Variants in ADAMTS3 observed in about 807,000 individuals in gnomAD.
The protein encoded by ADAMTS3 is ADAM metallopeptidase with thrombospondin type 1 motif 3, also known as A disintegrin and metalloproteinase with thrombospondin motifs 3.
Under a neutral mutation model 129.0 loss-of-function variants are expected in ADAMTS3, and 73 were observed. The ratio of observed to expected loss-of-function variants is 0.57; its 90% confidence interval spans 0.47 to 0.69. The LOEUF (loss-of-function observed/expected upper bound fraction) is 0.69, where lower values mean the gene tolerates loss of function less well. ADAMTS3 is among the 30% of genes least tolerant of loss of function. The pLI, the probability that ADAMTS3 is intolerant of heterozygous loss-of-function variation, is 0.00. For missense variants in ADAMTS3, 1,457 were observed against 1,514.5 expected, an observed-to-expected ratio of 0.96 and a Z score of 0.63; for synonymous variants, 477 against 510.8, an observed-to-expected ratio of 0.93 and a Z score of 0.89.
chr4:72,452,096 TAAC>T (rs1041548324), intron 3 of ADAMTS3, among the ~76,000 whole-genome samples: 24 of 151,678 alleles, frequency 1.6e-4, no homozygotes, highest in Admixed American at 1.4e-3. Context: ...TTTCAAACAA[TAAC>T]AACAACAACA....
At chr4:72,510,178 G>A (rs1015940744) in intron 3 of ADAMTS3, among the ~76,000 whole-genome samples, 6 of 151,872 alleles carry the variant, frequency 4.0e-5, no homozygotes, top group Non-Finnish European at 8.8e-5. Flanking sequence ...ATTAAATGAG[G>A]AAAAACTGAA....
At chr4:72,549,993 AGGAAGAGG>A (rs374962388) in intron 2 of ADAMTS3, among the ~76,000 whole-genome samples, 2 of 8,246 alleles carry the variant, frequency 2.4e-4, no homozygotes, top group African/African-American at 6.5e-4. Flanking sequence ...GAAGAAGAAG[AGGAAGAGG>A]AAGAAGAAGA....
At chr4:72,452,770 C>A (rs1718440590) in intron 3 of ADAMTS3, among the ~76,000 whole-genome samples, 1 of 151,770 alleles carries the variant, frequency 6.6e-6, no homozygotes, top group East Asian at 2.0e-4. Context: ...TGGTACCTGC[C>A]CACCACTTCC....
At chr4:72,368,132 TTAAG>T (rs1417105674) in intron 4 of ADAMTS3, among the ~76,000 whole-genome samples, 1 of 152,216 alleles carries the variant, frequency 6.6e-6, no homozygotes, top group African/African-American at 2.4e-5. Context: ...ACACATATTA[TTAAG>T]TAATACAACT....
intron 3 of ADAMTS3, among the ~76,000 whole-genome samples, chr4:72,492,947 T>C (rs1719784780): frequency 6.6e-6 from 1 of 151,936 alleles, no homozygotes; most frequent in African/African-American, 2.4e-5. Context: ...TAACTTACTG[T>C]TGAATTAACT....
At chr4:72,371,016 A>G (rs1720991350) in intron 4 of ADAMTS3, among the ~76,000 whole-genome samples, 1 of 152,194 alleles carries the variant, frequency 6.6e-6, no homozygotes, top group Admixed American at 6.5e-5. Flanking sequence ...ATAGACACAT[A>G]GAGAGAACAT....
chr4:72,495,535 G>T (rs1719853115), intron 3 of ADAMTS3, among the ~76,000 whole-genome samples: 1 of 151,510 alleles, frequency 6.6e-6, no homozygotes, highest in African/African-American at 2.4e-5. Context: ...TTTTTACAAA[G>T]AAAAAAAGAG....
At chr4:72,499,284 C>T (rs76109952) in intron 3 of ADAMTS3, among the ~76,000 whole-genome samples, 6 of 152,024 alleles carry the variant, frequency 3.9e-5, no homozygotes, top group Admixed American at 2.0e-4. Flanking sequence ...CAAAAGTAAG[C>T]GCAAGCTTTA....
At position 72,309,463 on chromosome 4, in the gene ADAMTS3, A is replaced by G; in HGVS notation, c.2113T>C (p.Cys705Arg). The part of the protein sequence containing the change: ...SNKVEDKCGV[C>R]GGDNSHCRTV... ...CGGCAGTGGGAATTATCTCCTCCAC[A>G]GACACCACACTTATCCTCAACCTTA... is the stretch of plus-strand genomic sequence containing the variant. Residue 705 changes from cysteine (C) to arginine (R), a missense_variant, in exon 15 of 22, where the codon TGT becomes CGT. By Grantham distance (180) the Cys-to-Arg change is radical. Coordinates refer to ENST00000286657, the MANE Select transcript of ADAMTS3 (RefSeq NM_014243.3). 1.2e-6 allele frequency: 2 copies of G among 1,612,232 alleles called. No individual in the cohort carries two copies. Among genetic ancestry groups the G allele is most frequent in the Non-Finnish European group, 1.7e-6 (2 of 1,178,698 alleles).
intron 4 of ADAMTS3, among the ~76,000 whole-genome samples, chr4:72,385,999 C>T (rs913724942): frequency 4.6e-5 from 7 of 151,686 alleles, no homozygotes; most frequent in Non-Finnish European, 7.4e-5. Context: ...TTTTTTTAGG[C>T]GTGTTAAGAA....
At chr4:72,401,583 A>C (rs1721921932) in intron 4 of ADAMTS3, among the ~76,000 whole-genome samples, 1 of 142,528 alleles carries the variant, frequency 7.0e-6, no homozygotes, top group South Asian at 2.5e-4. Flanking sequence ...AAAAAAAAAA[A>C]AAAAAGAAAA....
chr4:72,323,111 A>C lies in ADAMTS3; in HGVS notation c.862-14T>G. ...AATTTCATTCACCTAGCAACAAAAAAAGATAATTGCTAAAAGAAAGGAAAC... is the reference window on the plus strand; with the variant it reads ...AATTTCATTCACCTAGCAACAAAAACAGATAATTGCTAAAAGAAAGGAAAC... On this transcript the variant is annotated splice_polypyrimidine_tract_variant and intron_variant, in intron 5 of 21. Coordinates refer to ENST00000286657, the MANE Select transcript of ADAMTS3 (RefSeq NM_014243.3). 1 of 1,600,068 alleles carries C rather than the reference A, an allele frequency of 6.2e-7. No homozygotes were observed. Among genetic ancestry groups the C allele is most frequent in the Middle Eastern group, 1.7e-4 (1 of 6,020 alleles).
chr4:72,517,826 C>G (rs1297119489), intron 3 of ADAMTS3, among the ~76,000 whole-genome samples: 11 of 151,378 alleles, frequency 7.3e-5, no homozygotes, highest in Admixed American at 6.6e-4. Flanking sequence ...TTTTTTGTGT[C>G]TCTATTTCCT....
intron 3 of ADAMTS3, among the ~76,000 whole-genome samples, chr4:72,498,676 C>A (rs1207355984): frequency 6.6e-6 from 1 of 151,902 alleles, no homozygotes; most frequent in East Asian, 1.9e-4. Context: ...CACGCACACA[C>A]ACGTTTATTA....
At chr4:72,366,749 T>C (rs184302110) in intron 4 of ADAMTS3, among the ~76,000 whole-genome samples, 664 of 151,972 alleles carry the variant, frequency 4.4e-3, no homozygotes, top group Non-Finnish European at 6.5e-3. Context: ...GAAGAAATTT[T>C]TAAAGGGTAT....
chr4:72,389,710 C>A (rs973182257), intron 4 of ADAMTS3, among the ~76,000 whole-genome samples: 2 of 152,106 alleles, frequency 1.3e-5, no homozygotes, highest in Admixed American at 1.3e-4. Context: ...TTAAAAAAAT[C>A]TCCTGAAAAA....
intron 4 of ADAMTS3, among the ~76,000 whole-genome samples, chr4:72,360,187 C>A (rs1720682506): frequency 6.6e-6 from 1 of 152,026 alleles, no homozygotes; most frequent in Admixed American, 6.6e-5. Context: ...CAACTGTGTG[C>A]AACAATCTTA....
chr4:72,567,515 T>G (rs996136690), intron 1 of ADAMTS3, 114 bp from the exon 2 acceptor site: 10 of 1,054,422 alleles, frequency 9.5e-6, no homozygotes, highest in African/African-American at 1.6e-5. Context: ...CAGGAGATGC[T>G]AGAGACTGGG....
intron 4 of ADAMTS3, among the ~76,000 whole-genome samples, chr4:72,371,678 GTTATAA>G (rs1466863030): frequency 6.6e-6 from 1 of 151,878 alleles, no homozygotes; most frequent in African/African-American, 2.4e-5. Context: ...TGAGAAAACA[GTTATAA>G]TTATAGTTGA....
Sources: gnomAD v4.1 joint callset for allele counts (sites outside exome capture counted in the v4.1 genomes callset) on GRCh38, gnomAD v4.1.1 for gene constraint, MANE v1.5 for transcripts, NCBI Gene and HGNC (gene_info 2026-07-23, HGNC 2026-07-21) for gene names.